The following SPRED1 variants were observed in gnomAD, a reference collection of about 807,000 sequenced individuals.
The protein encoded by SPRED1 is sprouty-related, EVH1 domain-containing protein 1.
A neutral mutation model predicts 52.3 loss-of-function variants in SPRED1; 18 were observed. The observed-to-expected ratio is 0.34, with a 90% CI of 0.24 to 0.51. SPRED1 has a LOEUF of 0.51. Ranked by LOEUF, SPRED1 falls within the 20% of genes least tolerant of loss-of-function variation. The probability of loss-of-function intolerance (pLI) is 0.97; values close to 1 mark genes in which losing one functional copy is unlikely to be tolerated. For missense variants in SPRED1, 485 were observed against 551.0 expected (o/e 0.88, Z 1.20); for synonymous variants, 155 against 179.7 (o/e 0.86, Z 1.10).
intron 3 of SPRED1, among the ~76,000 whole-genome samples, chr15:38,324,370 G>A (rs1465576258): frequency 6.6e-6 from 1 of 152,092 alleles, no homozygotes; most frequent in Admixed American, 6.6e-5. Flanking sequence ...CTGGTTATGG[G>A]TACTAAATAC....
At chr15:38,267,391 A>G (rs891553229) in intron 1 of SPRED1, among the ~76,000 whole-genome samples, 1 of 152,156 alleles carries the variant, frequency 6.6e-6, no homozygotes, top group Non-Finnish European at 1.5e-5. Context: ...CTTTAGTAAA[A>G]TTTCTTAAGA....
intron 2 of SPRED1, among the ~76,000 whole-genome samples, chr15:38,320,305 C>T (rs532994536): frequency 6.6e-6 from 1 of 152,158 alleles, no homozygotes; most frequent in South Asian, 2.1e-4. Context: ...TGCATAAAGC[C>T]TAAAAGATTT....
At chr15:38,256,442 A>G (rs994841762) in intron 1 of SPRED1, among the ~76,000 whole-genome samples, 5 of 152,150 alleles carry the variant, frequency 3.3e-5, no homozygotes, top group African/African-American at 1.2e-4. Context: ...TATTGAGTGT[A>G]TATAGCACTG....
rs542798321 is a variant in SPRED1 at position 38,346,305 on chromosome 15, C to A, written c.583-3117C>A. The stretch of plus-strand genomic sequence containing the variant: ...ACCCAACCTGGGTGATAGAGTGAGA[C>A]CTTGTCTCAAAAAAAAAAAAAATCC... On this transcript the variant is annotated intron_variant, in intron 5 of 6. Transcript: ENST00000299084. 9.8e-3 allele frequency among the ~76,000 whole-genome samples: 610 copies of A among 62,024 alleles called. 4 individuals carry two copies. Among genetic ancestry groups the A allele is most frequent in the African/African-American group, 0.023 (591 of 25,670 alleles). 40.7% of individuals were successfully genotyped at this position (62,024 alleles called of 152,430 possible).
chr15:38,340,541 C>CTT (rs1252872132), intron 5 of SPRED1, among the ~76,000 whole-genome samples: 1 of 149,820 alleles, frequency 6.7e-6, no homozygotes, highest in Non-Finnish European at 1.5e-5. Context: ...ATTTTTTTTT[C>CTT]TTTTTTTTTG....
intron 4 of SPRED1, among the ~76,000 whole-genome samples, chr15:38,336,052 G>A (rs930681631): frequency 6.6e-6 from 1 of 151,664 alleles, no homozygotes; most frequent in Non-Finnish European, 1.5e-5. Flanking sequence ...TCTTTTTATG[G>A]CTATGATAAT....
intron 1 of SPRED1, among the ~76,000 whole-genome samples, chr15:38,290,933 A>G (rs1894912075): frequency 6.6e-6 from 1 of 152,082 alleles, no homozygotes; most frequent in African/African-American, 2.4e-5. Flanking sequence ...AAAACCAATC[A>G]TGCCTTCCCA....
chr15:38,311,399 T>C (rs1450092273), intron 2 of SPRED1, among the ~76,000 whole-genome samples: 1 of 152,118 alleles, frequency 6.6e-6, no homozygotes, highest in Non-Finnish European at 1.5e-5. Flanking sequence ...TTCTTGGTAC[T>C]GTTTTTGTTT....
intron 1 of SPRED1, among the ~76,000 whole-genome samples, chr15:38,257,512 G>A (rs1283687933): frequency 1.3e-5 from 2 of 151,886 alleles, no homozygotes; most frequent in Non-Finnish European, 2.9e-5. Flanking sequence ...GACATGTTTT[G>A]TTTCTGCAAG....
At chr15:38,336,422 GTA>G (rs1274175542) in intron 4 of SPRED1, among the ~76,000 whole-genome samples, 104,087 of 137,618 alleles carry the variant, frequency 0.76, 39,507 homozygotes, top group South Asian at 0.84. Context: ...GTATGTGTGT[GTA>G]TATATATATA....
chr15:38,266,400 G>A (rs917150219), intron 1 of SPRED1, among the ~76,000 whole-genome samples: 2 of 152,114 alleles, frequency 1.3e-5, no homozygotes, highest in East Asian at 3.9e-4. Context: ...AGCACTTTAG[G>A]AGGCCGAGGT....
chr15:38,313,782 T>C (rs755848784), intron 2 of SPRED1, among the ~76,000 whole-genome samples: 3 of 151,874 alleles, frequency 2.0e-5, no homozygotes, highest in Non-Finnish European at 4.4e-5. Flanking sequence ...ATTTTTAACA[T>C]TTTAAATTGG....
intron 4 of SPRED1, among the ~76,000 whole-genome samples, chr15:38,327,972 A>G (rs1046149340): frequency 6.6e-6 from 1 of 152,210 alleles, no homozygotes; most frequent in African/African-American, 2.4e-5. Context: ...CATTTATTTC[A>G]TTCATGATGT....
chr15:38,286,336 G>A (rs946168204), intron 1 of SPRED1, among the ~76,000 whole-genome samples: 3 of 149,198 alleles, frequency 2.0e-5, no homozygotes, highest in Non-Finnish European at 4.4e-5. Flanking sequence ...CTTTTTGTAT[G>A]TGTGACAATT....
At chr15:38,329,391 A>T (rs1268420296) in intron 4 of SPRED1, among the ~76,000 whole-genome samples, 1 of 152,160 alleles carries the variant, frequency 6.6e-6, no homozygotes, top group Admixed American at 6.6e-5. Context: ...TAGGCAAGGG[A>T]TATGAATTGT....
chr15:38,265,604 A>G (rs1423075643), intron 1 of SPRED1, among the ~76,000 whole-genome samples: 1 of 152,128 alleles, frequency 6.6e-6, no homozygotes, highest in Non-Finnish European at 1.5e-5. Context: ...AATAAGACAA[A>G]CAACTAGCTC....
intron 1 of SPRED1, among the ~76,000 whole-genome samples, chr15:38,284,631 AATAATTAC>A (rs1894765964): frequency 6.6e-6 from 1 of 152,184 alleles, no homozygotes; most frequent in African/African-American, 2.4e-5. Context: ...TATTTCTTTT[AATAATTAC>A]AGTCTTAATT....
chr15:38,307,777 C>T (rs1416371640), intron 2 of SPRED1, among the ~76,000 whole-genome samples: 1 of 152,048 alleles, frequency 6.6e-6, no homozygotes, highest in Admixed American at 6.5e-5. Context: ...TCTCATTAGA[C>T]TTACTTTAAC....
At chr15:38,268,759 G>T (rs919687285) in intron 1 of SPRED1, among the ~76,000 whole-genome samples, 1 of 152,136 alleles carries the variant, frequency 6.6e-6, no homozygotes, top group Non-Finnish European at 1.5e-5. Context: ...TGTTAAAAGT[G>T]TATGGCTTCA....
Sources: allele counts gnomAD v4.1 joint callset (sites outside exome capture counted in the v4.1 genomes callset), GRCh38; gene constraint gnomAD v4.1.1; transcripts MANE v1.5; gene names NCBI Gene and HGNC (gene_info 2026-07-23, HGNC 2026-07-21).